Variants in ELMO1 observed in about 807,000 individuals in gnomAD.
The protein encoded by ELMO1 is engulfment and cell motility protein 1.
Under a neutral mutation model 98.9 loss-of-function variants are expected in ELMO1, and 26 were observed. The ratio of observed to expected loss-of-function variants is 0.26; its 90% CI spans 0.19 to 0.36. The LOEUF is 0.36. Among genes scored for constraint, ELMO1 ranks in the 10% least tolerant of loss-of-function variants. The pLI is 1.00. For synonymous variants in ELMO1, 346 were observed against 346.0 expected (o/e 1.00, Z 0.00); for missense variants, 627 against 935.2 (o/e 0.67, Z 4.30).
At position 37,111,504 on chromosome 7, in the gene ELMO1, ATTTTC is replaced by A. The variant is rs533403590; in HGVS notation, c.1192-14782_1192-14778del. On this transcript the variant is annotated intron_variant, in intron 14 of 21. Coordinates refer to ENST00000310758, the MANE Select transcript of ELMO1 (RefSeq NM_014800.11). ...CAGCAAATGCTGCAATACTAATCAG[ATTTTC>A]TTTTAAGAAAAACTTTTGTACTAGC... Among the ~76,000 whole-genome samples the A allele has an allele frequency of 5.1e-3, 772 of 152,294 alleles. 9 individuals carry two copies. The highest frequency in any genetic ancestry group is 0.017 in the African/African-American group (726 of 41,556).
At position 37,314,965 on chromosome 7, in the gene ELMO1, C is replaced by A. The variant is rs551204231; in HGVS notation, c.120-43G>T. On this transcript the variant is annotated intron_variant, in intron 3 of 21. Coordinates refer to ENST00000310758, the MANE Select transcript of ELMO1 (RefSeq NM_014800.11). ...ATACTGATTAGAAAAATGAAAGTGG[C>A]CATTTTCATTTTTACAATTTTTTAG... is the stretch of plus-strand genomic sequence containing the variant. The A allele has an allele frequency of 1.8e-5, 28 of 1,571,042 alleles. No homozygotes were observed. The African/African-American group carries it at 3.1e-4, about 18-fold the overall frequency.
chr7:36,882,635 C>T (rs541619230), intron 18 of ELMO1, among the ~76,000 whole-genome samples: 1 of 152,344 alleles, frequency 6.6e-6, no homozygotes, highest in South Asian at 2.1e-4. Flanking sequence ...AGCTGGATGA[C>T]ACACCTGGCC....
At chr7:37,168,195 C>A (rs1166844561) in intron 13 of ELMO1, among the ~76,000 whole-genome samples, 1 of 152,194 alleles carries the variant, frequency 6.6e-6, no homozygotes, top group Non-Finnish European at 1.5e-5. Context: ...TCCATCAGCT[C>A]CTTTAAGTAC....
intron 21 of ELMO1, among the ~76,000 whole-genome samples, chr7:36,859,944 AC>A (rs1802486161): frequency 6.6e-6 from 1 of 151,950 alleles, no homozygotes; most frequent in Non-Finnish European, 1.5e-5. Flanking sequence ...CTCAAGACCA[AC>A]CCGTCCTCTT....
intron 16 of ELMO1, among the ~76,000 whole-genome samples, chr7:36,958,744 C>T (rs1368062045): frequency 6.6e-6 from 1 of 152,092 alleles, no homozygotes; most frequent in Non-Finnish European, 1.5e-5. Flanking sequence ...CTCCTAGCAT[C>T]ACCTCCTCAG....
At chr7:37,280,576 T>C (rs1446076662) in intron 4 of ELMO1, among the ~76,000 whole-genome samples, 2 of 151,286 alleles carry the variant, frequency 1.3e-5, no homozygotes, top group Non-Finnish European at 2.9e-5. Context: ...GATATAAAAA[T>C]GGCCAAGAAA....
intron 6 of ELMO1, among the ~76,000 whole-genome samples, chr7:37,257,999 G>A (rs1320888952): frequency 6.6e-6 from 1 of 151,860 alleles, no homozygotes; most frequent in African/African-American, 2.4e-5. Flanking sequence ...GCCGGGCGTG[G>A]TGACTCACGC....
intron 1 of ELMO1, among the ~76,000 whole-genome samples, chr7:37,403,691 C>T (rs142109779): frequency 6.6e-6 from 1 of 152,146 alleles, no homozygotes; most frequent in Non-Finnish European, 1.5e-5. Flanking sequence ...ACTACAGGCA[C>T]ACATCACCAC....
intron 15 of ELMO1, among the ~76,000 whole-genome samples, chr7:37,028,262 C>A (rs1224612987): frequency 2.0e-5 from 3 of 152,104 alleles, no homozygotes; most frequent in Non-Finnish European, 4.4e-5. Context: ...TATTTCCTTT[C>A]ATGGACAATT....
chr7:37,281,851 T>C (rs770605424), intron 4 of ELMO1, among the ~76,000 whole-genome samples: 2 of 152,108 alleles, frequency 1.3e-5, no homozygotes, highest in African/African-American at 4.8e-5. Flanking sequence ...TGCAGGGAAA[T>C]GTCCTGACTG....
intron 16 of ELMO1, among the ~76,000 whole-genome samples, chr7:36,907,319 G>T (rs952164093): frequency 2.6e-5 from 4 of 152,190 alleles, no homozygotes; most frequent in Non-Finnish European, 5.9e-5. Flanking sequence ...GTTGAAAATT[G>T]GGACACCCTC....
intron 16 of ELMO1, among the ~76,000 whole-genome samples, chr7:36,979,023 T>C (rs1388715440): frequency 6.6e-6 from 1 of 152,206 alleles, no homozygotes; most frequent in Non-Finnish European, 1.5e-5. Flanking sequence ...AGGGGCAACA[T>C]GGCGAAACCT....
At chr7:37,374,395 T>A (rs887215377) in intron 1 of ELMO1, among the ~76,000 whole-genome samples, 1 of 152,162 alleles carries the variant, frequency 6.6e-6, no homozygotes, top group Non-Finnish European at 1.5e-5. Flanking sequence ...AACCTATATA[T>A]GCTATAACCA....
intron 16 of ELMO1, among the ~76,000 whole-genome samples, chr7:36,903,306 T>C (rs1293621843): frequency 6.6e-6 from 1 of 152,212 alleles, no homozygotes; most frequent in African/African-American, 2.4e-5. Flanking sequence ...CCTGCTGCAC[T>C]TCAGCCAAAG....
chr7:37,055,872 T>C (rs576962608), intron 15 of ELMO1, among the ~76,000 whole-genome samples: 5 of 152,160 alleles, frequency 3.3e-5, no homozygotes, highest in African/African-American at 4.8e-5. Context: ...CTAAGGGAGA[T>C]TGTCCTATCT....
chr7:37,235,034 CT>C (rs1794386087), intron 7 of ELMO1, among the ~76,000 whole-genome samples: 1 of 152,170 alleles, frequency 6.6e-6, no homozygotes, highest in East Asian at 1.9e-4. Flanking sequence ...CAGGTGCCCC[CT>C]AGGTGGCATC....
At chr7:37,105,687 C>T (rs1290391494) in intron 14 of ELMO1, among the ~76,000 whole-genome samples, 2 of 152,166 alleles carry the variant, frequency 1.3e-5, no homozygotes, top group African/African-American at 4.8e-5. Flanking sequence ...TCTACATTCC[C>T]AATTTCCATC....
In ELMO1 at chr7:37,182,456, G is replaced by GCTCC. The variant is rs1790927868; in HGVS notation, c.1086+28929_1086+28930insGGAG. Among the ~76,000 whole-genome samples the GCTCC allele has an allele frequency of 2.2e-4, 5 of 22,396 alleles. 2 individuals carry two copies. The highest frequency in any genetic ancestry group is 5.8e-4 in the Admixed American group (1 of 1,716). The allele number at this position is 22,396 out of a possible 152,430, so 14.7% of individuals were successfully genotyped here. On this transcript the variant is annotated intron_variant, in intron 13 of 21. Coordinates refer to ENST00000310758, the MANE Select transcript of ELMO1 (RefSeq NM_014800.11). ...ATAGGAAGATCATGAGTGCTCTTGT[G>GCTCC]CTCTACTTTTTTTTTTTTTTTTTTT...
chr7:37,320,811 C>G (rs1799448853), intron 2 of ELMO1, among the ~76,000 whole-genome samples: 1 of 152,118 alleles, frequency 6.6e-6, no homozygotes, highest in Admixed American at 6.5e-5. Flanking sequence ...ACGAACTTTC[C>G]TTTAAAAAAC....
Sources: allele counts gnomAD v4.1 joint callset (sites outside exome capture counted in the v4.1 genomes callset), GRCh38; gene constraint gnomAD v4.1.1; transcripts MANE v1.5; gene names NCBI Gene and HGNC (gene_info 2026-07-23, HGNC 2026-07-21).